The following FSD1L variants were observed in gnomAD, a reference collection of about 807,000 sequenced individuals.
FSD1L encodes the protein fibronectin type III and SPRY domain containing 1 like, also known as FSD1-like protein.
A neutral mutation model predicts 71.6 loss-of-function variants in FSD1L; 45 were observed. The observed-to-expected ratio is 0.63, with a 90% CI of 0.49 to 0.81. FSD1L has a LOEUF of 0.81. Ranked by LOEUF, FSD1L falls within the 30% of genes least tolerant of loss-of-function variation. The probability of loss-of-function intolerance (pLI) is 0.00; values close to 1 mark genes in which losing one functional copy is unlikely to be tolerated. For synonymous variants in FSD1L, 197 were observed against 207.2 expected (o/e 0.95, Z 0.42); for missense variants, 561 against 618.1 (o/e 0.91, Z 0.98).
intron 6 of FSD1L, among the ~76,000 whole-genome samples, chr9:105,481,176 T>TGTGTGTGTGTGTGTGTGTGG (rs1454412244): frequency 7.3e-5 from 9 of 123,188 alleles, no homozygotes; most frequent in South Asian, 2.7e-4. Context: ...TGTGTGTGTG[T>TGTGTGTGTGTGTGTGTGTGG]GTGGTTCTTT....
chr9:105,523,900 T>C, intron 10 of FSD1L: 1 of 1,590,782 alleles, frequency 6.3e-7, no homozygotes, highest in Non-Finnish European at 8.6e-7. Flanking sequence ...GATTTTATTG[T>C]AGCAGCTGGT....
intron 1 of FSD1L, among the ~76,000 whole-genome samples, chr9:105,456,000 T>C (rs1404669366): frequency 1.3e-5 from 2 of 152,228 alleles, no homozygotes; most frequent in East Asian, 3.8e-4. Flanking sequence ...GGGAAACCCA[T>C]ATGTCAGCAT....
At chr9:105,475,777 A>G (rs1010908851) in intron 5 of FSD1L, among the ~76,000 whole-genome samples, 1 of 152,220 alleles carries the variant, frequency 6.6e-6, no homozygotes, top group African/African-American at 2.4e-5. Context: ...GTGTATTTCA[A>G]GTTATTCACT....
chr9:105,523,672 A>G, intron 10 of FSD1L: 1 of 1,600,460 alleles, frequency 6.2e-7, no homozygotes, highest in Non-Finnish European at 8.6e-7. Flanking sequence ...TTGACTGATA[A>G]ATATAAACAA....
At chr9:105,544,154 A>G (rs1374378941) in intron 13 of FSD1L, among the ~76,000 whole-genome samples, 3 of 152,118 alleles carry the variant, frequency 2.0e-5, no homozygotes, top group Non-Finnish European at 4.4e-5. Flanking sequence ...ATCTCATTGT[A>G]GTTTTGATTT....
At chr9:105,449,604 G>A (rs1829862230) in intron 1 of FSD1L, among the ~76,000 whole-genome samples, 1 of 152,170 alleles carries the variant, frequency 6.6e-6, no homozygotes, top group Non-Finnish European at 1.5e-5. Context: ...GTAGAAGTAA[G>A]AGTATTTTAT....
At chr9:105,470,026 C>G (rs1327936417) in intron 4 of FSD1L, among the ~76,000 whole-genome samples, 3 of 152,156 alleles carry the variant, frequency 2.0e-5, no homozygotes, top group African/African-American at 7.2e-5. Context: ...TGTCCTGTCC[C>G]TATTGTTTGG....
At chr9:105,451,436 G>C (rs1225575315) in intron 1 of FSD1L, among the ~76,000 whole-genome samples, 2 of 152,198 alleles carry the variant, frequency 1.3e-5, no homozygotes, top group Non-Finnish European at 2.9e-5. Flanking sequence ...CTTCATGGTG[G>C]CTAGTCAACA....
At chr9:105,444,858 G>A (rs1829609540), upstream of FSD1L, among the ~76,000 whole-genome samples, 1 of 152,240 alleles carries the variant, frequency 6.6e-6, no homozygotes, top group East Asian at 1.9e-4. Context: ...GAATCACCTA[G>A]AGGAAATGCT....
At chr9:105,498,635 C>T (rs1833573691) in intron 7 of FSD1L, among the ~76,000 whole-genome samples, 1 of 152,104 alleles carries the variant, frequency 6.6e-6, no homozygotes, top group Non-Finnish European at 1.5e-5. Context: ...GGCTCATGAC[C>T]ATATGTGCAT....
At chr9:105,496,119 C>G (rs1255389303) in intron 7 of FSD1L, among the ~76,000 whole-genome samples, 1 of 151,214 alleles carries the variant, frequency 6.6e-6, no homozygotes, top group Non-Finnish European at 1.5e-5. Flanking sequence ...GCCTATCTTA[C>G]TGTTTCTTTC....
intron 7 of FSD1L, among the ~76,000 whole-genome samples, chr9:105,495,962 C>G (rs1436952339): frequency 2.1e-5 from 3 of 142,470 alleles, no homozygotes; most frequent in Non-Finnish European, 4.6e-5. Flanking sequence ...CAGAGTGAGA[C>G]TCCATCTAAA....
chr9:105,524,119 C>A, intron 10 of FSD1L: 1 of 1,612,184 alleles, frequency 6.2e-7, no homozygotes, highest in Admixed American at 1.7e-5. Flanking sequence ...TCTGGTCCTG[C>A]ACGATGTGTA....
intron 10 of FSD1L, chr9:105,522,854 T>A (rs1835263852): frequency 1.2e-6 from 2 of 1,609,466 alleles, no homozygotes; most frequent in Admixed American, 3.4e-5. Context: ...GCCTGGAAAT[T>A]CCCAAAGACC....
Position 105,542,907 on chromosome 9 carries a change from A to AT in FSD1L, c.1468-3444dup, listed in dbSNP as rs1453211252. On this transcript the variant is annotated intron_variant, in intron 13 of 13. Coordinates refer to ENST00000481272, the MANE Select transcript of FSD1L (RefSeq NM_001145313.3). Reference sequence around the variant, plus strand: ...TTTTGTTATGAAGTCCAATTTGGTAATTTTTTTCCCTATTATGGGTAATGC... The same window carrying AT: ...TTTTGTTATGAAGTCCAATTTGGTAATTTTTTTTCCCTATTATGGGTAATGC... Among the ~76,000 whole-genome samples the AT allele has an allele frequency of 7.2e-5, 11 of 152,090 alleles. No homozygotes were observed. In the East Asian group the frequency reaches 2.1e-3, roughly 29 times the overall value.
intron 12 of FSD1L, among the ~76,000 whole-genome samples, chr9:105,538,662 C>A (rs575291620): frequency 6.6e-6 from 1 of 152,078 alleles, no homozygotes; most frequent in African/African-American, 2.4e-5. Flanking sequence ...GCAGGTCAGG[C>A]ATAGTGGCTC....
In FSD1L at chr9:105,506,557, C is replaced by T. The variant is rs1834062649; in HGVS notation, c.745C>T (p.Arg249Ter). ...TGGACTTCCACGTGTAAAGGATGAG[C>T]GATGCTGGGAGATAATTGATAATAT... ...FDGLPRVKDE[R>*]CWEIIDNIKG... The change falls in exon 8 of 14, where the codon CGA becomes TGA. Residue 249 changes from arginine (R) to a stop codon, truncating the protein, a stop_gained. Coordinates refer to ENST00000481272, the MANE Select transcript of FSD1L (RefSeq NM_001145313.3). LOFTEE classifies it high-confidence loss of function. The T allele has an allele frequency of 2.6e-6, 4 of 1,550,670 alleles. No individual in the cohort carries two copies. Among genetic ancestry groups the T allele is most frequent in the Non-Finnish European group, 3.5e-6 (4 of 1,146,546 alleles).
chr9:105,526,399 T>C (rs1835512683), intron 10 of FSD1L: 9 of 1,613,396 alleles, frequency 5.6e-6, no homozygotes, highest in Admixed American at 5.0e-5. Context: ...ACCCAGAGAT[T>C]CTACCCAGTG....
intron 4 of FSD1L, among the ~76,000 whole-genome samples, 183 bp downstream of exon 4, chr9:105,468,507 A>ATTTT (rs368002893): frequency 7.1e-6 from 1 of 141,768 alleles, no homozygotes; most frequent in African/African-American, 2.6e-5. Flanking sequence ...TCTCTTAACC[A>ATTTT]TTTTTTTTTT....
Sources: gnomAD v4.1 joint callset for allele counts (sites outside exome capture counted in the v4.1 genomes callset) on GRCh38, gnomAD v4.1.1 for gene constraint, MANE v1.5 for transcripts, NCBI Gene and HGNC (gene_info 2026-07-23, HGNC 2026-07-21) for gene names.